ATXN1: variants seen among roughly 807,000 people sequenced by gnomAD.
The protein encoded by ATXN1 is ataxin 1, also known as ataxin-1.
Under a neutral mutation model 56.4 loss-of-function variants are expected in ATXN1, and 8 were observed. The ratio of observed to expected loss-of-function variants is 0.14; its 90% CI spans 0.08 to 0.26. The LOEUF is 0.26. Ranked by LOEUF, ATXN1 falls within the 10% of genes least tolerant of loss-of-function variation. The pLI is 1.00. For missense variants in ATXN1, 987 were observed against 1,106.5 expected (o/e 0.89, Z 1.53); for synonymous variants, 514 against 494.6 (o/e 1.04, Z -0.52).
intron 6 of ATXN1, among the ~76,000 whole-genome samples, chr6:16,346,634 GTCTT>G (rs1231346026): frequency 5.3e-5 from 8 of 152,236 alleles, no homozygotes; most frequent in East Asian, 1.9e-4. Flanking sequence ...CTTTAGGAAA[GTCTT>G]TCAATTTTCT....
At chr6:16,584,223 C>T (rs951971157) in intron 4 of ATXN1, among the ~76,000 whole-genome samples, 2 of 80,694 alleles carry the variant, frequency 2.5e-5, no homozygotes, top group Non-Finnish European at 5.8e-5. Flanking sequence ...CGATATTGGA[C>T]ATATATATAT....
chr6:16,682,581 AG>A (rs1221382219), intron 2 of ATXN1, among the ~76,000 whole-genome samples: 2 of 152,194 alleles, frequency 1.3e-5, no homozygotes, highest in Non-Finnish European at 2.9e-5. Flanking sequence ...TAGAAGAAAA[AG>A]AAAGGAACAT....
intron 6 of ATXN1, among the ~76,000 whole-genome samples, chr6:16,480,279 A>T (rs904320238): frequency 6.6e-6 from 1 of 152,122 alleles, no homozygotes; most frequent in African/African-American, 2.4e-5. Context: ...TTTCTGATGG[A>T]AGGAAAGCTC....
intron 4 of ATXN1, among the ~76,000 whole-genome samples, chr6:16,564,269 AGAAGAGAGAGGAGGCC>A (rs1762173623): frequency 6.6e-6 from 1 of 152,114 alleles, no homozygotes; most frequent in Non-Finnish European, 1.5e-5. Context: ...GAGATAGGTA[AGAAGAGAGAGGAGGCC>A]ATCGTGAAGC....
intron 6 of ATXN1, among the ~76,000 whole-genome samples, chr6:16,359,743 T>C (rs1561866561): frequency 6.6e-6 from 1 of 152,222 alleles, no homozygotes; most frequent in Non-Finnish European, 1.5e-5. Flanking sequence ...TCATTCTTTC[T>C]GGACGCAGGA....
At chr6:16,420,014 GACAGTAATCTTTTATACAAGGAC>G (rs1241882026) in intron 6 of ATXN1, among the ~76,000 whole-genome samples, 14 of 152,204 alleles carry the variant, frequency 9.2e-5, no homozygotes, top group African/African-American at 3.4e-4. Flanking sequence ...GGATGGGGAG[GACAGTAATCTTTTATACAAGGAC>G]ACATGAACCA....
intron 3 of ATXN1, among the ~76,000 whole-genome samples, chr6:16,621,782 C>A (rs1259979251): frequency 1.3e-5 from 2 of 152,048 alleles, no homozygotes; most frequent in African/African-American, 4.8e-5. Flanking sequence ...ATGCTCTATG[C>A]AAAAATAAAT....
chr6:16,366,995 C>CA (rs145287971), intron 6 of ATXN1, among the ~76,000 whole-genome samples: 3,068 of 152,232 alleles, frequency 0.02, 111 homozygotes, highest in African/African-American at 0.07. Flanking sequence ...GCATAGAGCC[C>CA]AAACTGGAGA....
chr6:16,688,595 G>A (rs1038852370), intron 2 of ATXN1, among the ~76,000 whole-genome samples: 1 of 152,196 alleles, frequency 6.6e-6, no homozygotes, highest in African/African-American at 2.4e-5. Flanking sequence ...GTAACATCCT[G>A]TTGGTGGAAA....
chr6:16,530,652 A>G (rs1480731295), intron 4 of ATXN1, among the ~76,000 whole-genome samples: 1 of 152,270 alleles, frequency 6.6e-6, no homozygotes, highest in Non-Finnish European at 1.5e-5. Flanking sequence ...ACTAATGGTT[A>G]CTAGGCTTAG....
chr6:16,312,168 A>G (rs1223664798), intron 7 of ATXN1, among the ~76,000 whole-genome samples: 1 of 152,250 alleles, frequency 6.6e-6, no homozygotes, highest in African/African-American at 2.4e-5. Flanking sequence ...CTGTAGACTC[A>G]TTAAGAAATG....
At chr6:16,724,936 C>A (rs1403400903) in intron 2 of ATXN1, among the ~76,000 whole-genome samples, 1 of 152,106 alleles carries the variant, frequency 6.6e-6, no homozygotes, top group East Asian at 1.9e-4. Flanking sequence ...TCACTATTAC[C>A]AGCTTCACCA....
chr6:16,354,178 G>A (rs768638849), intron 6 of ATXN1, among the ~76,000 whole-genome samples: 7 of 152,060 alleles, frequency 4.6e-5, no homozygotes, highest in Non-Finnish European at 7.4e-5. Context: ...GTTCCCTGAC[G>A]GAGGAACATA....
intron 6 of ATXN1, among the ~76,000 whole-genome samples, chr6:16,348,393 CTT>C (rs1761485196): frequency 1.3e-5 from 2 of 152,118 alleles, no homozygotes; most frequent in East Asian, 1.9e-4. Context: ...TTGATTTCCT[CTT>C]TAAGAAAATG....
intron 6 of ATXN1, among the ~76,000 whole-genome samples, chr6:16,378,991 T>C (rs943958671): frequency 6.6e-6 from 1 of 152,140 alleles, no homozygotes; most frequent in Non-Finnish European, 1.5e-5. Context: ...CAATTCACAA[T>C]TGCAAAATCA....
At chr6:16,596,460 C>G (rs1762817053) in intron 3 of ATXN1, among the ~76,000 whole-genome samples, 2 of 152,094 alleles carry the variant, frequency 1.3e-5, no homozygotes, top group African/African-American at 2.4e-5. Context: ...TTGAAGGAGC[C>G]CTTTGTAATG....
intron 6 of ATXN1, among the ~76,000 whole-genome samples, chr6:16,423,105 C>T (rs113759963): frequency 6.6e-6 from 1 of 152,178 alleles, no homozygotes; most frequent in South Asian, 2.1e-4. Flanking sequence ...TCTCTGAATA[C>T]ATTTCACTTG....
intron 1 of ATXN1, among the ~76,000 whole-genome samples, chr6:16,753,778 AAACACAATG>A (rs1261901694): frequency 6.6e-6 from 1 of 152,234 alleles, no homozygotes; most frequent in Non-Finnish European, 1.5e-5. Context: ...ATGCAACTTG[AAACACAATG>A]ATGAAAGTGC....
At chr6:16,682,502 G>A (rs1758836086) in intron 2 of ATXN1, among the ~76,000 whole-genome samples, 1 of 151,922 alleles carries the variant, frequency 6.6e-6, no homozygotes, top group Admixed American at 6.6e-5. Context: ...TGGCCTCTCT[G>A]GGGTTTTCTG....
Sources: allele counts gnomAD v4.1 joint callset (sites outside exome capture counted in the v4.1 genomes callset), GRCh38; gene constraint gnomAD v4.1.1; transcripts MANE v1.5; gene names NCBI Gene and HGNC (gene_info 2026-07-23, HGNC 2026-07-21).